Variants in UBE2M observed in about 807,000 individuals in gnomAD.
The protein encoded by UBE2M is NEDD8-conjugating enzyme Ubc12.
In UBE2M, 2 loss-of-function variants were observed where a neutral mutation model predicts 23.5. The ratio of observed to expected loss-of-function variants is 0.09; its 90% CI spans 0.03 to 0.27. The LOEUF (loss-of-function observed/expected upper bound fraction) is 0.27, where lower values mean the gene tolerates loss of function less well. Ranked by LOEUF, UBE2M falls within the 10% of genes least tolerant of loss-of-function variation. The probability of loss-of-function intolerance (pLI) is 1.00; values close to 1 mark genes in which losing one functional copy is unlikely to be tolerated. For missense variants in UBE2M, 103 were observed against 232.9 expected (o/e 0.44, Z 3.63); for synonymous variants, 97 against 95.2 (o/e 1.02, Z -0.11).
rs2053895397 is a variant in UBE2M, at chr19:58,556,949, G to A, written c.205-19C>T. The A allele has an allele frequency of 6.2e-7, 1 of 1,613,928 alleles. No individual in the cohort carries two copies. The highest frequency in any genetic ancestry group is 8.5e-7 in the Non-Finnish European group (1 of 1,179,990). On this transcript the variant is annotated intron_variant, in intron 2 of 5. Coordinates refer to ENST00000253023, the MANE Select transcript of UBE2M (RefSeq NM_003969.4). The surrounding 1 kb of genome is among the most constrained non-coding windows in gnomAD (Gnocchi z 4.9). ...AGAAGCCCTGGGAGGAAAAGGGGGA[G>A]AAGAAAATTTTAGGGTTCCATCCTG... is the stretch of plus-strand genomic sequence containing the variant.
In UBE2M at chr19:58,557,146, G is replaced by A; in HGVS notation, c.121C>T (p.Leu41=). Residue 41 remains leucine, a synonymous_variant, in exon 2 of 6, where the codon CTG becomes TTG. Transcript: ENST00000253023. The stretch of plus-strand genomic sequence containing the variant: ...ATATCACACGTCTTGGGCAGGTTCA[G>A]CTCGTTTATGTCTGGGTTTGGGTAG... ...QLRIQKDINE[L]NLPKTCDISF... 1 of 1,613,970 alleles carries A rather than the reference G, an allele frequency of 6.2e-7. No homozygotes were observed. Among genetic ancestry groups the A allele is most frequent in the East Asian group, 2.2e-5 (1 of 44,870 alleles).
At chr19:58,557,204 G>A in intron 1 of UBE2M, 47 bp from the exon 2 acceptor site, 1 of 924,200 alleles carries the variant, frequency 1.1e-6, no homozygotes, top group South Asian at 2.0e-5. Context: ...GGGAGGGGAA[G>A]AGAGAGAGAG....
Position 58,556,236 on chromosome 19 carries a change from C to T in UBE2M, c.412-7G>A. On this transcript the variant is annotated splice_region_variant and splice_polypyrimidine_tract_variant and intron_variant, in intron 5 of 5. Transcript: ENST00000253023. The surrounding 1 kb of genome is among the most constrained non-coding windows in gnomAD (Gnocchi z 4.9). ...GGTCCTCGGGGTTGGGCTCCTGTGG[C>T]CAGTACAGGTAGGGGGGGTCAACAG... The T allele has an allele frequency of 6.2e-7, 1 of 1,614,056 alleles. No individual in the cohort carries two copies. Among genetic ancestry groups the T allele is most frequent in the Non-Finnish European group, 8.5e-7 (1 of 1,179,928 alleles).
Position 58,558,204 on chromosome 19 carries a change from TC to T in UBE2M, c.109+68del. 1 of 1,350,172 alleles carries T rather than the reference TC, an allele frequency of 7.4e-7. No individual in the cohort carries two copies. Among genetic ancestry groups the T allele is most frequent in the Non-Finnish European group, 1.0e-6 (1 of 988,310 alleles). The allele number at this position is 1,350,172 out of a possible 1,614,324, so 83.6% of individuals were successfully genotyped here. ...AGCAACCGCATTACCCCTTCCTGACTCCCACATCACCCTGCCTCAGGCCCTG... is the reference window on the plus strand; with the variant it reads ...AGCAACCGCATTACCCCTTCCTGACTCCACATCACCCTGCCTCAGGCCCTG... On this transcript the variant is annotated intron_variant, in intron 1 of 5. Coordinates refer to ENST00000253023, the MANE Select transcript of UBE2M (RefSeq NM_003969.4). This position sits in a 1 kb window ranked among gnomAD's most constrained non-coding sequence, Gnocchi z 4.7.
Position 58,555,825 on chromosome 19 carries a change from G to A in UBE2M, c.*264C>T. 1 of 524,612 alleles carries A rather than the reference G, an allele frequency of 1.9e-6. No homozygotes were observed. Among genetic ancestry groups the A allele is most frequent in the Non-Finnish European group, 3.4e-6 (1 of 290,936 alleles). 32.5% of individuals were successfully genotyped at this position (524,612 alleles called of 1,614,324 possible). On this transcript the variant is annotated 3_prime_UTR_variant, in exon 6 of 6. Transcript: ENST00000253023. ...CACCCACTCCACAGCCCAGAGTGGGGGCTGAACAAGCACCCAGCAGGGGGG... is the reference window on the plus strand; with the variant it reads ...CACCCACTCCACAGCCCAGAGTGGGAGCTGAACAAGCACCCAGCAGGGGGG...
chr19:58,558,427 C>G lies in UBE2M; in HGVS notation c.-46G>C. 1.0e-6 allele frequency: 1 copy of G among 984,976 alleles called. No homozygotes were observed. Among genetic ancestry groups the G allele is most frequent in the Non-Finnish European group, 1.2e-6 (1 of 824,488 alleles). The allele number at this position is 984,976 out of a possible 1,614,324, so 61.0% of individuals were successfully genotyped here. A position where few individuals can be genotyped will look rare whatever the true frequency, so the allele number is the denominator to read the frequency against. The stretch of plus-strand genomic sequence containing the variant: ...TGCCGCCGCCGCGGGGCCCGGGACC[C>G]CGGCCACCCGGCCCCCCGCCGCCGC... On this transcript the variant is annotated 5_prime_UTR_variant, in exon 1 of 6. Transcript: ENST00000253023. This position sits in a 1 kb window ranked among gnomAD's most constrained non-coding sequence, Gnocchi z 4.7.
Position 58,556,536 on chromosome 19 carries a change from G to A in UBE2M, c.347+151C>T, listed in dbSNP as rs2053891760. On this transcript the variant is annotated intron_variant, in intron 4 of 5. Transcript: ENST00000253023. The surrounding 1 kb of genome is among the most constrained non-coding windows in gnomAD (Gnocchi z 4.9). The stretch of plus-strand genomic sequence containing the variant: ...CAGGACAGGCCAAGGAGAAAACCAA[G>A]GTCAGGCCATGAGGAAGATGACTGG... 9.4e-7 allele frequency: 1 copy of A among 1,063,346 alleles called. No individual in the cohort carries two copies. The highest frequency in any genetic ancestry group is 2.6e-5 in the East Asian group (1 of 39,014). The allele number at this position is 1,063,346 out of a possible 1,614,324, so 65.9% of individuals were successfully genotyped here. A position where few individuals can be genotyped will look rare whatever the true frequency, so the allele number is the denominator to read the frequency against.
At chr19:58,557,968 C>A (rs1467176166) in intron 1 of UBE2M, among the ~76,000 whole-genome samples, 1 of 152,004 alleles carries the variant, frequency 6.6e-6, no homozygotes, top group African/African-American at 2.4e-5. Context: ...CCCGTCTAAC[C>A]CCCAGACTCT....
rs373817511 is a variant in UBE2M, at chr19:58,556,152, G to A, written c.489C>T (p.Asn163=). Residue 163 remains asparagine (N), a synonymous_variant, in exon 6 of 6, where the codon AAC becomes AAT. Transcript: ENST00000253023. This position sits in a 1 kb window ranked among gnomAD's most constrained non-coding sequence, Gnocchi z 4.9. ...AGCCACCCCGCATGGAGCGCTGCAC[G>A]TTCTGCTCAAACAGCCGCCGGTTGT... is the stretch of plus-strand genomic sequence containing the variant. ...LQNNRRLFEQ[N]VQRSMRGGYI... The A allele has an allele frequency of 3.3e-4, 527 of 1,613,874 alleles. 1 individual carries two copies. Among genetic ancestry groups the A allele is most frequent in the Non-Finnish European group, 4.1e-4 (478 of 1,180,008 alleles).
rs2053889293 is a variant in UBE2M at position 58,556,185 on chromosome 19, G to A, written c.456C>T (p.Val152=). Residue 152 remains valine, a synonymous_variant, in exon 6 of 6, where the codon GTC becomes GTT. Transcript: ENST00000253023. The surrounding 1 kb of genome is among the most constrained non-coding windows in gnomAD (Gnocchi z 4.9). ...CAAACAGCCGCCGGTTGTTCTGCAG[G>A]ACCTCTGCGGCCTCCTTGTTCAGTG... ...EDPLNKEAAE[V]LQNNRRLFEQ... The A allele has an allele frequency of 1.9e-6, 3 of 1,614,186 alleles. No individual in the cohort carries two copies. The highest frequency in any genetic ancestry group is 2.5e-6 in the Non-Finnish European group (3 of 1,180,022).
rs536978755 is a variant in UBE2M at position 58,556,569 on chromosome 19, A to G, written c.347+118T>C. 1.8e-6 allele frequency: 2 copies of G among 1,139,232 alleles called. No individual in the cohort carries two copies. Among genetic ancestry groups the G allele is most frequent in the African/African-American group, 1.6e-5 (1 of 63,808 alleles). The allele number at this position is 1,139,232 out of a possible 1,614,324, so 70.6% of individuals were successfully genotyped here. On this transcript the variant is annotated intron_variant, in intron 4 of 5. Transcript: ENST00000253023. The surrounding 1 kb of genome is among the most constrained non-coding windows in gnomAD (Gnocchi z 4.9). ...CATGAGGAAGATGACTGGGAAATCAAGAAACCACAGACAACAAAGGGGTGG... is the reference window on the plus strand; with the variant it reads ...CATGAGGAAGATGACTGGGAAATCAGGAAACCACAGACAACAAAGGGGTGG...
chr19:58,557,787 C>T (rs1483589749), intron 1 of UBE2M, among the ~76,000 whole-genome samples: 1 of 152,026 alleles, frequency 6.6e-6, no homozygotes, highest in Non-Finnish European at 1.5e-5. Flanking sequence ...CCCCAAATTG[C>T]TGTGACTCAG....
In UBE2M at chr19:58,556,880, C is replaced by T. The variant is rs201269905; in HGVS notation, c.243+12G>A. Reference sequence around the variant, plus strand: ...CTGTCCAGGGAGCCATCCCTGCCCGCCTGGGACTCACCTTAAAACTGAACA... The same window carrying T: ...CTGTCCAGGGAGCCATCCCTGCCCGTCTGGGACTCACCTTAAAACTGAACA... On this transcript the variant is annotated intron_variant, in intron 3 of 5. Transcript: ENST00000253023. The surrounding 1 kb of genome is among the most constrained non-coding windows in gnomAD (Gnocchi z 4.9). 9.0e-5 allele frequency: 145 copies of T among 1,613,962 alleles called. No homozygotes were observed. The highest frequency in any genetic ancestry group is 1.1e-4 in the Non-Finnish European group (133 of 1,180,006).
In UBE2M at chr19:58,556,391, G is replaced by A; in HGVS notation, c.348-12C>T. 5 of 1,613,484 alleles carry A rather than the reference G, an allele frequency of 3.1e-6. No individual in the cohort carries two copies. Among genetic ancestry groups the A allele is most frequent in the Non-Finnish European group, 4.2e-6 (5 of 1,179,954 alleles). On this transcript the variant is annotated splice_polypyrimidine_tract_variant and intron_variant, in intron 4 of 5. Transcript: ENST00000253023. This position sits in a 1 kb window ranked among gnomAD's most constrained non-coding sequence, Gnocchi z 4.9. ...GCTTCCAGTCCTCTCTGTGGACAGA[G>A]AGCATCAGGGTCAGGGCTTGGTGAG...
rs1322228132 is a variant in UBE2M, at chr19:58,555,882, G to A, written c.*207C>T. On this transcript the variant is annotated 3_prime_UTR_variant, in exon 6 of 6. Transcript: ENST00000253023. ...AAGCCAATTCATTTCCCATCGCTGAGTGGGTCGGGGGAGGCAGCGCCGACC... is the reference window on the plus strand; with the variant it reads ...AAGCCAATTCATTTCCCATCGCTGAATGGGTCGGGGGAGGCAGCGCCGACC... The A allele has an allele frequency of 6.3e-6, 4 of 636,074 alleles. No individual in the cohort carries two copies. Among genetic ancestry groups the A allele is most frequent in the Non-Finnish European group, 1.1e-5 (4 of 374,656 alleles). 39.4% of individuals were successfully genotyped at this position (636,074 alleles called of 1,614,324 possible).
chr19:58,558,336 A>G lies in UBE2M; in HGVS notation c.46T>C (p.Ser16Pro), dbSNP rs2053906633. ...SLKQQKKEEE[S>P]AGGTKGSSKK... ...CTGCTGCCCTTGGTGCCGCCCGCCG[A>G]CTCCTCCTCCTTCTTCTGCTGCTTC... Residue 16 changes from serine to proline, a missense_variant, in exon 1 of 6, where the codon TCG becomes CCG. Transcript: ENST00000253023. The surrounding 1 kb of genome is among the most constrained non-coding windows in gnomAD (Gnocchi z 4.7). 4 of 1,586,962 alleles carry G rather than the reference A, an allele frequency of 2.5e-6. No individual in the cohort carries two copies. Among genetic ancestry groups the G allele is most frequent in the Non-Finnish European group, 2.6e-6 (3 of 1,168,576 alleles).
Position 58,555,999 on chromosome 19 carries a change from G to C in UBE2M, c.*90C>G. The C allele has an allele frequency of 1.3e-6, 2 of 1,500,100 alleles. No homozygotes were observed. Among genetic ancestry groups the C allele is most frequent in the Admixed American group, 2.0e-5 (1 of 49,742 alleles). The allele number at this position is 1,500,100 out of a possible 1,614,324, so 92.9% of individuals were successfully genotyped here. A position where few individuals can be genotyped will look rare whatever the true frequency, so the allele number is the denominator to read the frequency against. ...AAGGCAGGGGATTCCCCCACCGGCC[G>C]CCCCCCAAACCCCTACCCATGGCCC... On this transcript the variant is annotated 3_prime_UTR_variant, in exon 6 of 6. Transcript: ENST00000253023.
In UBE2M at chr19:58,556,621, C is replaced by T. The variant is rs538756142; in HGVS notation, c.347+66G>A. The T allele has an allele frequency of 2.8e-5, 39 of 1,388,212 alleles. 1 individual carries two copies. In the African/African-American group the frequency reaches 4.5e-4, roughly 16 times the overall value. 86.0% of individuals were successfully genotyped at this position (1,388,212 alleles called of 1,614,324 possible). A position where few individuals can be genotyped will look rare whatever the true frequency, so the allele number is the denominator to read the frequency against. Reference sequence around the variant, plus strand: ...AAGGGACAGAGTCTGATGTAGTGCCCACAAGACCATGAGGGAGGCCTGGCA... The same window carrying T: ...AAGGGACAGAGTCTGATGTAGTGCCTACAAGACCATGAGGGAGGCCTGGCA... On this transcript the variant is annotated intron_variant, in intron 4 of 5. Transcript: ENST00000253023. This position sits in a 1 kb window ranked among gnomAD's most constrained non-coding sequence, Gnocchi z 4.9.
Position 58,556,057 on chromosome 19 carries a change from G to A in UBE2M, c.*32C>T. 1 of 1,589,632 alleles carries A rather than the reference G, an allele frequency of 6.3e-7. No individual in the cohort carries two copies. The highest frequency in any genetic ancestry group is 2.3e-5 in the East Asian group (1 of 44,198). Reference sequence around the variant, plus strand: ...ATATTTGCAGGGGATGCCAGGGCTTGTGGCCGTGGCGGGGGTGGGTATGCG... The same window carrying A: ...ATATTTGCAGGGGATGCCAGGGCTTATGGCCGTGGCGGGGGTGGGTATGCG... On this transcript the variant is annotated 3_prime_UTR_variant, in exon 6 of 6. Coordinates refer to ENST00000253023, the MANE Select transcript of UBE2M (RefSeq NM_003969.4). This position sits in a 1 kb window ranked among gnomAD's most constrained non-coding sequence, Gnocchi z 4.9.
Sources: gnomAD v4.1 joint callset for allele counts (sites outside exome capture counted in the v4.1 genomes callset) on GRCh38, gnomAD v4.1.1 for gene constraint, Gnocchi (gnomAD v3.1) non-coding constraint, MANE v1.5 for transcripts, NCBI Gene and HGNC (gene_info 2026-07-23, HGNC 2026-07-21) for gene names.